The following TBC1D19 variants were observed in gnomAD, a reference collection of about 807,000 sequenced individuals.
TBC1D19 encodes the protein TBC1 domain family, member 19.
Under a neutral mutation model 89.0 loss-of-function variants are expected in TBC1D19, and 60 were observed. That is an observed-to-expected ratio of 0.67 (90% CI 0.55 to 0.84). The LOEUF is 0.84. Among genes scored for constraint, TBC1D19 ranks in the 40% least tolerant of loss-of-function variants. TBC1D19 has a pLI of 0.00. For synonymous variants in TBC1D19, 189 were observed against 199.7 expected, an observed-to-expected ratio of 0.95 and a Z score of 0.45; for missense variants, 500 against 610.8, an observed-to-expected ratio of 0.82 and a Z score of 1.91.
chr4:26,819,405 G>A, the TBC1D19 span, among the ~76,000 whole-genome samples: 1 of 152,284 alleles, frequency 6.6e-6, no homozygotes, highest in African/African-American at 2.4e-5. Context: ...AACAGAGAGG[G>A]GAATGGTGGA....
At chr4:26,679,600 G>A (rs145372761) in intron 11 of TBC1D19, among the ~76,000 whole-genome samples, 31 of 152,198 alleles carry the variant, frequency 2.0e-4, no homozygotes, top group African/African-American at 7.0e-4. Flanking sequence ...GCCTACTGGA[G>A]CTGTGAGAAG....
At chr4:26,582,934 A>G (rs1560392956), upstream of TBC1D19, among the ~76,000 whole-genome samples, 1 of 152,190 alleles carries the variant, frequency 6.6e-6, no homozygotes, top group East Asian at 1.9e-4. Context: ...TTCAGAATGT[A>G]GTCTTTGGAC....
At chr4:26,835,288 G>A in the TBC1D19 span, among the ~76,000 whole-genome samples, 248 of 152,248 alleles carry the variant, frequency 1.6e-3, no homozygotes, top group African/African-American at 4.6e-3. Context: ...TGTAGAAGCC[G>A]GAGAACACAA....
intron 13 of TBC1D19, among the ~76,000 whole-genome samples, chr4:26,696,861 G>A (rs1714834775): frequency 6.6e-6 from 1 of 152,198 alleles, no homozygotes; most frequent in Admixed American, 6.5e-5. Flanking sequence ...TTAAAGCAGT[G>A]TGTAGAGGGA....
chr4:26,616,614 T>C (rs530222319), intron 3 of TBC1D19, among the ~76,000 whole-genome samples: 1 of 152,286 alleles, frequency 6.6e-6, no homozygotes, highest in South Asian at 2.1e-4. Flanking sequence ...TTATGCCTAA[T>C]AGAGGTATAG....
the TBC1D19 span, among the ~76,000 whole-genome samples, chr4:26,848,391 C>T: frequency 6.6e-6 from 1 of 152,198 alleles, no homozygotes; most frequent in Non-Finnish European, 1.5e-5. Context: ...TACACTAAAT[C>T]TCTGTCTCTC....
chr4:26,642,104 A>G (rs1025635136), intron 7 of TBC1D19, among the ~76,000 whole-genome samples: 1 of 152,176 alleles, frequency 6.6e-6, no homozygotes, highest in African/African-American at 2.4e-5. Context: ...CCTCGAGAAG[A>G]GCAACCCCAA....
At chr4:26,646,078 C>T (rs1186865962) in intron 7 of TBC1D19, among the ~76,000 whole-genome samples, 1 of 148,044 alleles carries the variant, frequency 6.8e-6, no homozygotes, top group Non-Finnish European at 1.5e-5. Flanking sequence ...AGCCGAGATC[C>T]CGCCACTGCA....
chr4:26,767,665 G>A, the TBC1D19 span, among the ~76,000 whole-genome samples: 4 of 152,128 alleles, frequency 2.6e-5, no homozygotes, highest in Non-Finnish European at 5.9e-5. Context: ...ATTCATCTTG[G>A]ACTTCCCAGC....
chr4:26,783,904 C>A, the TBC1D19 span, among the ~76,000 whole-genome samples: 2 of 152,098 alleles, frequency 1.3e-5, no homozygotes, highest in Non-Finnish European at 1.5e-5. Flanking sequence ...TGAGGAGCAT[C>A]CAAGTATGTT....
At chr4:26,594,609 A>T (rs942415582) in intron 1 of TBC1D19, among the ~76,000 whole-genome samples, 1 of 152,118 alleles carries the variant, frequency 6.6e-6, no homozygotes, top group Admixed American at 6.6e-5. Context: ...AAATGATGTA[A>T]TGCATGTCTC....
chr4:26,805,539 C>T, the TBC1D19 span, among the ~76,000 whole-genome samples: 2 of 152,170 alleles, frequency 1.3e-5, no homozygotes, highest in Non-Finnish European at 2.9e-5. Context: ...TATCCTCAGT[C>T]CTCAGTCACT....
intron 1 of TBC1D19, among the ~76,000 whole-genome samples, chr4:26,596,730 T>C (rs1255667684): frequency 6.6e-6 from 1 of 151,950 alleles, no homozygotes; most frequent in Non-Finnish European, 1.5e-5. Flanking sequence ...TGCAAGGTTA[T>C]AATTTTTCTT....
At chr4:26,793,598 C>A in the TBC1D19 span, among the ~76,000 whole-genome samples, 2 of 152,008 alleles carry the variant, frequency 1.3e-5, no homozygotes, top group Admixed American at 6.6e-5. Context: ...TGACGAGTGC[C>A]TGTAATCCCA....
chr4:26,590,796 G>GTTTTTTTT (rs869124166), intron 1 of TBC1D19, among the ~76,000 whole-genome samples: 1,205 of 52,870 alleles, frequency 0.023, 194 homozygotes, highest in Non-Finnish European at 0.027. Context: ...TTGCAGGTCT[G>GTTTTTTTT]TTTTTTTTTT....
At chr4:26,689,343 TA>T (rs1428391772) in intron 13 of TBC1D19, among the ~76,000 whole-genome samples, 2 of 152,132 alleles carry the variant, frequency 1.3e-5, no homozygotes, top group Non-Finnish European at 2.9e-5. Flanking sequence ...AGTTATTAAT[TA>T]AAAGTTGGAG....
At chr4:26,781,103 A>G in the TBC1D19 span, among the ~76,000 whole-genome samples, 4 of 152,178 alleles carry the variant, frequency 2.6e-5, no homozygotes, top group African/African-American at 7.2e-5. Flanking sequence ...TCACCTGGGA[A>G]CCTGTTAGAA....
chr4:26,668,992 C>CACACACAA (rs1265928654), intron 9 of TBC1D19, among the ~76,000 whole-genome samples: 4 of 79,500 alleles, frequency 5.0e-5, no homozygotes, highest in African/African-American at 1.5e-4. Context: ...TACATACACA[C>CACACACAA]ACACACACAC....
intron 1 of TBC1D19, among the ~76,000 whole-genome samples, chr4:26,594,283 T>C (rs966859357): frequency 5.9e-5 from 9 of 152,088 alleles, no homozygotes; most frequent in South Asian, 2.1e-4. Context: ...AGGTGGGAAT[T>C]GAACAATGAG....
Sources: gnomAD v4.1 joint callset for allele counts (sites outside exome capture counted in the v4.1 genomes callset) on GRCh38, gnomAD v4.1.1 for gene constraint, MANE v1.5 for transcripts, NCBI Gene and HGNC (gene_info 2026-07-23, HGNC 2026-07-21) for gene names.